MPPED2: variants seen among roughly 807,000 people sequenced by gnomAD.
MPPED2 encodes metallophosphoesterase domain containing 2, also known as metallophosphoesterase MPPED2.
Under a neutral mutation model 33.0 loss-of-function variants are expected in MPPED2, and 5 were observed. The ratio of observed to expected loss-of-function variants is 0.15; its 90% CI spans 0.08 to 0.32. MPPED2 has a LOEUF of 0.32. Ranked by LOEUF, MPPED2 falls within the 10% of genes least tolerant of loss-of-function variation. The pLI is 1.00. For synonymous variants in MPPED2, 136 were observed against 141.9 expected (o/e 0.96, Z 0.29); for missense variants, 275 against 372.1 (o/e 0.74, Z 2.15).
In MPPED2 at chr11:30,411,505, G is replaced by A. The variant is rs749304402; in HGVS notation, c.848C>T (p.Pro283Leu). 1 of 1,613,902 alleles carries A rather than the reference G, an allele frequency of 6.2e-7. No individual in the cohort carries two copies. Among genetic ancestry groups the A allele is most frequent in the East Asian group, 2.2e-5 (1 of 44,882 alleles). ...TGGGTTTGGAAGGTCAAATATAATT[G>A]GAGGGTTGGTCGGTTGAAAGCTGAC... ...CTVSFQPTNP[P>L]IIFDLPNPQG... Residue 283 changes from proline to leucine, a missense_variant, in exon 7 of 7, where the codon CCA becomes CTA. Pro to Leu is a moderately conservative substitution (Grantham distance 98). Transcript: ENST00000358117.
intron 3 of MPPED2, among the ~76,000 whole-genome samples, chr11:30,525,161 A>G (rs1954097503): frequency 6.6e-6 from 1 of 152,200 alleles, no homozygotes; most frequent in Non-Finnish European, 1.5e-5. Flanking sequence ...GGGAAAAAAT[A>G]ATGACAATCA....
chr11:30,556,874 A>T (rs1955986081), intron 2 of MPPED2, among the ~76,000 whole-genome samples: 1 of 152,262 alleles, frequency 6.6e-6, no homozygotes, highest in African/African-American at 2.4e-5. Context: ...AACTTAAGCC[A>T]TATGACCCTA....
intron 2 of MPPED2, among the ~76,000 whole-genome samples, chr11:30,555,309 C>T (rs1955913419): frequency 1.3e-5 from 2 of 152,232 alleles, no homozygotes; most frequent in Admixed American, 6.5e-5. Flanking sequence ...TAGAAACTTA[C>T]TTTATATCTT....
At chr11:30,474,092 G>A (rs1195433528) in intron 4 of MPPED2, among the ~76,000 whole-genome samples, 1 of 152,204 alleles carries the variant, frequency 6.6e-6, no homozygotes, top group East Asian at 1.9e-4. Flanking sequence ...GCTGCATTTT[G>A]TGGTGAATTT....
intron 4 of MPPED2, among the ~76,000 whole-genome samples, chr11:30,418,997 C>A (rs917832284): frequency 1.3e-5 from 2 of 152,130 alleles, no homozygotes; most frequent in Non-Finnish European, 2.9e-5. Flanking sequence ...GTAGCCCTAG[C>A]CAGAAAAGGA....
chr11:30,446,343 G>T (rs896211962), intron 4 of MPPED2, among the ~76,000 whole-genome samples: 1 of 152,220 alleles, frequency 6.6e-6, no homozygotes, highest in Non-Finnish European at 1.5e-5. Flanking sequence ...GCTCTGCTAA[G>T]AATTCACCGG....
chr11:30,469,789 G>A (rs1418346608), intron 4 of MPPED2, among the ~76,000 whole-genome samples: 1 of 152,026 alleles, frequency 6.6e-6, no homozygotes, highest in Non-Finnish European at 1.5e-5. Context: ...CCATTGATTA[G>A]CAGGCAAATG....
intron 3 of MPPED2, among the ~76,000 whole-genome samples, chr11:30,533,282 G>C (rs1954630374): frequency 6.6e-6 from 1 of 152,162 alleles, no homozygotes; most frequent in Non-Finnish European, 1.5e-5. Context: ...TACAGGTATA[G>C]AGGGAGTGCC....
intron 3 of MPPED2, among the ~76,000 whole-genome samples, chr11:30,497,533 C>T (rs559762177): frequency 2.6e-5 from 4 of 152,260 alleles, no homozygotes; most frequent in Admixed American, 6.5e-5. Context: ...TAATCATTCA[C>T]GATGATGGGA....
intron 3 of MPPED2, among the ~76,000 whole-genome samples, chr11:30,526,747 T>C (rs1178325728): frequency 6.6e-6 from 1 of 151,722 alleles, no homozygotes; most frequent in Admixed American, 6.6e-5. Flanking sequence ...TTATTAGATA[T>C]GACTGTTAGG....
At chr11:30,548,372 C>T (rs1382573726) in intron 2 of MPPED2, among the ~76,000 whole-genome samples, 1 of 152,166 alleles carries the variant, frequency 6.6e-6, no homozygotes, top group African/African-American at 2.4e-5. Context: ...TGCCACCACA[C>T]CCAGCTTGTT....
At chr11:30,465,437 G>A (rs549736235) in intron 4 of MPPED2, among the ~76,000 whole-genome samples, 7 of 152,122 alleles carry the variant, frequency 4.6e-5, no homozygotes, top group Non-Finnish European at 7.4e-5. Flanking sequence ...ACAGGCCCAC[G>A]GCATCATGCC....
At chr11:30,576,179 C>T (rs1212259287) in intron 2 of MPPED2, among the ~76,000 whole-genome samples, 1 of 152,080 alleles carries the variant, frequency 6.6e-6, no homozygotes, top group Non-Finnish European at 1.5e-5. Flanking sequence ...CCGGATCTTA[C>T]AGATAGAAAA....
intron 1 of MPPED2, among the ~76,000 whole-genome samples, 176 bp downstream of exon 1, chr11:30,585,866 G>A (rs897886923): frequency 5.9e-5 from 9 of 152,192 alleles, no homozygotes; most frequent in African/African-American, 9.6e-5. Context: ...AGGGGCACCG[G>A]GGCAGCCCGG....
At chr11:30,444,381 G>A (rs542495526) in intron 4 of MPPED2, among the ~76,000 whole-genome samples, 1 of 151,860 alleles carries the variant, frequency 6.6e-6, no homozygotes, top group Admixed American at 6.5e-5. Flanking sequence ...CCTGAAGAAG[G>A]AGTCCATAAC....
chr11:30,417,581 G>T lies in MPPED2; in HGVS notation c.589C>A (p.Leu197Met). The T allele has an allele frequency of 1.2e-6, 2 of 1,613,402 alleles. No homozygotes were observed. Among genetic ancestry groups the T allele is most frequent in the Non-Finnish European group, 1.7e-6 (2 of 1,179,536 alleles). ...TCAGGGATGAGGTTCCACTTGTCCA[G>T]CAGAGACTGACCTCTGGGTAGGTTA... ...GFNLPRGQSL[L>M]DKWNLIPEGI... Residue 197 changes from leucine (L) to methionine (M), a missense_variant, in exon 5 of 7, where the codon CTG (leucine) becomes ATG (methionine). By Grantham distance (15) the Leu-to-Met change is conservative. Coordinates refer to ENST00000358117, the MANE Select transcript of MPPED2 (RefSeq NM_001584.3).
chr11:30,565,118 C>G (rs1206156114), intron 2 of MPPED2, among the ~76,000 whole-genome samples: 1 of 152,168 alleles, frequency 6.6e-6, no homozygotes, highest in African/African-American at 2.4e-5. Context: ...GCCTGTGTCT[C>G]CCCTGTGCAG....
chr11:30,492,853 C>T (rs554412771), intron 4 of MPPED2, among the ~76,000 whole-genome samples: 23 of 152,216 alleles, frequency 1.5e-4, no homozygotes, highest in South Asian at 4.2e-4. Flanking sequence ...TTATCTGTGG[C>T]GATTCTTGAG....
chr11:30,552,261 T>C (rs1241677172), intron 2 of MPPED2, among the ~76,000 whole-genome samples: 1 of 152,226 alleles, frequency 6.6e-6, no homozygotes, highest in Admixed American at 6.5e-5. Context: ...GAAGCCAGAA[T>C]GGCAAGGGAC....
Sources: gnomAD v4.1 joint callset for allele counts (sites outside exome capture counted in the v4.1 genomes callset) on GRCh38, gnomAD v4.1.1 for gene constraint, MANE v1.5 for transcripts, NCBI Gene and HGNC (gene_info 2026-07-23, HGNC 2026-07-21) for gene names.